CACNG8: variants seen among roughly 807,000 people sequenced by gnomAD.
CACNG8 encodes voltage-dependent calcium channel gamma-8 subunit.
In CACNG8, 5 loss-of-function variants were observed where a neutral mutation model predicts 26.9. That is an observed-to-expected ratio of 0.19 (90% CI 0.10 to 0.39). The LOEUF is 0.39. Among genes scored for constraint, CACNG8 ranks in the 10% least tolerant of loss-of-function variants. The pLI, the probability that CACNG8 is intolerant of heterozygous loss-of-function variation, is 1.00. For missense variants in CACNG8, 473 were observed against 609.4 expected (o/e 0.78, Z 2.36); for synonymous variants, 321 against 296.7 (o/e 1.08, Z -0.84).
chr19:53,966,972 G>A (rs539601910), intron 1 of CACNG8, among the ~76,000 whole-genome samples: 1 of 152,254 alleles, frequency 6.6e-6, no homozygotes, highest in African/African-American at 2.4e-5. Context: ...GGATATGAGA[G>A]AGAAGAGCCA....
Position 53,984,979 on chromosome 19 carries a change from G to C in CACNG8, c.*2130G>C, listed in dbSNP as rs990569913. On this transcript the variant is annotated 3_prime_UTR_variant, in exon 4 of 4. Coordinates refer to ENST00000270458, the MANE Select transcript of CACNG8 (RefSeq NM_031895.6). ...GAAAAAAAGAGAAAAAGGTGCCTGA[G>C]TTCCAGGCAGAGGGACTGAGGCTCT... 6.6e-6 allele frequency: 1 copy of C among 152,326 alleles called. No homozygotes were observed. 9.4% of individuals were successfully genotyped at this position (152,326 alleles called of 1,614,324 possible).
At chr19:53,980,620 C>T (rs924205723) in intron 3 of CACNG8, among the ~76,000 whole-genome samples, 3 of 152,050 alleles carry the variant, frequency 2.0e-5, no homozygotes, top group Non-Finnish European at 4.4e-5. Context: ...CGGGGCGATG[C>T]CTGGAAAAGC....
In CACNG8 at chr19:53,963,358, C is replaced by T. The variant is rs1270892099; in HGVS notation, c.216C>T (p.Gly72=). The T allele has an allele frequency of 3.1e-6, 5 of 1,590,936 alleles. No homozygotes were observed. The highest frequency in any genetic ancestry group is 2.3e-5 in the East Asian group (1 of 43,572). ...GGACCCCCCACCGCGGGGGCGGCGG[C>T]GCCTCGGAGAAGAAGGACCCCGGCG... The change falls in exon 1 of 4, where the codon GGC becomes GGT. Residue 72 remains glycine (G), a synonymous_variant. Coordinates refer to ENST00000270458, the MANE Select transcript of CACNG8 (RefSeq NM_031895.6).
At chr19:53,968,543 G>A (rs1246536592) in intron 1 of CACNG8, among the ~76,000 whole-genome samples, 2 of 151,946 alleles carry the variant, frequency 1.3e-5, no homozygotes, top group East Asian at 3.9e-4. Context: ...GCTGAGACAG[G>A]CGGATCACGA....
chr19:53,963,804 C>CT (rs34483691), intron 1 of CACNG8, among the ~76,000 whole-genome samples: 40,457 of 128,102 alleles, frequency 0.32, 7,871 homozygotes, highest in East Asian at 0.5. Context: ...TGCCTTTTCT[C>CT]TTTTTTTTTT....
chr19:53,972,016 T>G (rs111775836), intron 1 of CACNG8, among the ~76,000 whole-genome samples: 10,872 of 152,166 alleles, frequency 0.071, 441 homozygotes, highest in African/African-American at 0.11. Context: ...ACGGAGTCTC[T>G]CTCTGTCCCC....
chr19:53,967,966 T>A (rs1337603705), intron 1 of CACNG8, among the ~76,000 whole-genome samples: 1 of 152,238 alleles, frequency 6.6e-6, no homozygotes, highest in East Asian at 1.9e-4. Flanking sequence ...GAGCCATAGC[T>A]GGCTGACCAG....
Position 53,980,116 on chromosome 19 carries a change from T to G in CACNG8, c.508+109T>G, listed in dbSNP as rs1286124201. On this transcript the variant is annotated intron_variant, in intron 3 of 3. Coordinates refer to ENST00000270458, the MANE Select transcript of CACNG8 (RefSeq NM_031895.6). ...CGCGCGCGTGAGTGCAAGTGCGCGT[T>G]CGTGTGTCTGCAAAGCCACCTTGCC... The G allele has an allele frequency of 9.8e-6, 12 of 1,227,924 alleles. No individual in the cohort carries two copies. The East Asian group carries it at 3.6e-4, about 36-fold the overall frequency. 76.1% of individuals were successfully genotyped at this position (1,227,924 alleles called of 1,614,324 possible).
At position 53,982,643 on chromosome 19, in the gene CACNG8, G is replaced by A; in HGVS notation, c.1072G>A (p.Asp358Asn). Residue 358 changes from aspartate (D) to asparagine (N), a missense_variant, in exon 4 of 4, where the codon GAC becomes AAC. Physicochemically the swap from Asp to Asn is conservative, Grantham distance 23. Around this residue, in one of 6 missense-constraint regions of CACNG8, gnomAD observed 212 missense variants for 214.4 expected, o/e 0.99. Coordinates refer to ENST00000270458, the MANE Select transcript of CACNG8 (RefSeq NM_031895.6). The surrounding 1 kb of genome is among the most constrained non-coding windows in gnomAD (Gnocchi z 8.4). ...CGGCGGCGGGGCGGGTGCCGAGCGG[G>A]ACCGCGGGGGGGCGTCCGGCTTCCT... The A allele has an allele frequency of 9.6e-7, 1 of 1,042,918 alleles. No individual in the cohort carries two copies. The highest frequency in any genetic ancestry group is 1.2e-6 in the Non-Finnish European group (1 of 868,888). 64.6% of individuals were successfully genotyped at this position (1,042,918 alleles called of 1,614,324 possible).
Position 53,985,568 on chromosome 19 carries a change from G to C in CACNG8, c.*2719G>C, listed in dbSNP as rs948178340. 6.6e-6 allele frequency: 1 copy of C among 152,134 alleles called. No homozygotes were observed. The highest frequency in any genetic ancestry group is 2.4e-5 in the African/African-American group (1 of 41,416). 9.4% of individuals were successfully genotyped at this position (152,134 alleles called of 1,614,324 possible). On this transcript the variant is annotated 3_prime_UTR_variant, in exon 4 of 4. Coordinates refer to ENST00000270458, the MANE Select transcript of CACNG8 (RefSeq NM_031895.6). ...GCGGGTGTTAAAAGAGACAAATCTG[G>C]CCGGGTGCTGTGGCTCCTAATCCCA... is the stretch of plus-strand genomic sequence containing the variant.
chr19:53,978,015 G>A (rs928746826), intron 1 of CACNG8, 131 bp from the exon 2 acceptor site: 1 of 626,724 alleles, frequency 1.6e-6, no homozygotes. Flanking sequence ...TCAGGAGCCA[G>A]GACTTGCGGT....
Position 53,963,030 on chromosome 19 carries a change from G to C in CACNG8, c.-113G>C, listed in dbSNP as rs2069251567. 21 of 342,162 alleles carry C rather than the reference G, an allele frequency of 6.1e-5. No individual in the cohort carries two copies. The highest frequency in any genetic ancestry group is 6.7e-5 in the Non-Finnish European group (14 of 209,466). The allele number at this position is 342,162 out of a possible 1,614,324, so 21.2% of individuals were successfully genotyped here. On this transcript the variant is annotated 5_prime_UTR_variant, in exon 1 of 4. Coordinates refer to ENST00000270458, the MANE Select transcript of CACNG8 (RefSeq NM_031895.6). ...GCCGCCCCCCTCCCCAGCCCCGCCG[G>C]CCCCGGGCCCCCCGCTTCTGCCTGC...
At chr19:53,969,555 C>T (rs1422914386) in intron 1 of CACNG8, among the ~76,000 whole-genome samples, 2 of 151,998 alleles carry the variant, frequency 1.3e-5, no homozygotes, top group Non-Finnish European at 2.9e-5. Context: ...CCACCCTGCC[C>T]GGCCCAGCAT....
chr19:53,979,682 T>C (rs548608665), intron 2 of CACNG8, among the ~76,000 whole-genome samples, 185 bp from the exon 3 acceptor site: 176 of 146,644 alleles, frequency 1.2e-3, no homozygotes, highest in African/African-American at 4.2e-3. Flanking sequence ...GACCGAGAAA[T>C]AGAGAAATTT....
intron 1 of CACNG8, among the ~76,000 whole-genome samples, chr19:53,968,383 C>CAA (rs935483937): frequency 7.5e-6 from 1 of 133,786 alleles, no homozygotes; most frequent in Non-Finnish European, 1.6e-5. Flanking sequence ...TCAAAAAAAA[C>CAA]AAAAAAAAAA....
intron 1 of CACNG8, among the ~76,000 whole-genome samples, chr19:53,967,582 C>A (rs1196934865): frequency 1.3e-5 from 2 of 152,190 alleles, no homozygotes; most frequent in Non-Finnish European, 2.9e-5. Context: ...CACCTGTAAT[C>A]CCAGCACTTT....
At position 53,982,720 on chromosome 19, in the gene CACNG8, G is replaced by A; in HGVS notation, c.1149G>A (p.Thr383=). 1.7e-6 allele frequency: 2 copies of A among 1,171,434 alleles called. No individual in the cohort carries two copies. Among genetic ancestry groups the A allele is most frequent in the East Asian group, 4.1e-5 (1 of 24,190 alleles). The allele number at this position is 1,171,434 out of a possible 1,614,324, so 72.6% of individuals were successfully genotyped here. Residue 383 remains threonine (T), a synonymous_variant, in exon 4 of 4, where the codon ACG becomes ACA. Coordinates refer to ENST00000270458, the MANE Select transcript of CACNG8 (RefSeq NM_031895.6). The surrounding 1 kb of genome is among the most constrained non-coding windows in gnomAD (Gnocchi z 8.4). ...AGGCGGGCGGCGGCGTCACGGTCAC[G>A]GTCACCGGGCCGCCCGCCCCGCCCG...
intron 1 of CACNG8, among the ~76,000 whole-genome samples, chr19:53,976,821 C>T (rs1427666676): frequency 6.6e-6 from 1 of 152,040 alleles, no homozygotes; most frequent in Non-Finnish European, 1.5e-5. Flanking sequence ...TACAGGCACC[C>T]GCCACCATGC....
chr19:53,981,113 C>A (rs11880805), intron 3 of CACNG8, among the ~76,000 whole-genome samples: 3,024 of 151,988 alleles, frequency 0.02, 101 homozygotes, highest in African/African-American at 0.069. Flanking sequence ...AAATTTTTGA[C>A]CAGTAGGGGA....
Sources: gnomAD v4.1 joint callset for allele counts (sites outside exome capture counted in the v4.1 genomes callset) on GRCh38, gnomAD v4.1.1 for gene constraint, gnomAD v4.1.1 regional missense constraint, Gnocchi (gnomAD v3.1) non-coding constraint, MANE v1.5 for transcripts, NCBI Gene and HGNC (gene_info 2026-07-23, HGNC 2026-07-21) for gene names.